The following ALG8 variants were observed in gnomAD, a reference collection of about 807,000 sequenced individuals.
ALG8 encodes the protein ALG8 alpha-1,3-glucosyltransferase.
In ALG8, 48 loss-of-function variants were observed where a neutral mutation model predicts 70.2. The observed-to-expected ratio is 0.68, with a 90% CI of 0.54 to 0.87. The LOEUF (loss-of-function observed/expected upper bound fraction) is 0.87, where lower values mean the gene tolerates loss of function less well. ALG8 is among the 40% of genes least tolerant of loss of function. The probability of loss-of-function intolerance (pLI) is 0.00; values close to 1 mark genes in which losing one functional copy is unlikely to be tolerated. For missense variants in ALG8, 572 were observed against 608.7 expected (o/e 0.94, Z 0.64); for synonymous variants, 234 against 229.0 (o/e 1.02, Z -0.20).
At chr11:78,118,252 C>T (rs1351263424) in intron 5 of ALG8, among the ~76,000 whole-genome samples, 1 of 152,096 alleles carries the variant, frequency 6.6e-6, no homozygotes, top group East Asian at 1.9e-4. Context: ...GTATCACTAT[C>T]ATAGTTATTA....
intron 12 of ALG8, 112 bp downstream of exon 12, chr11:78,103,868 T>A (rs776829238): frequency 1.5e-5 from 9 of 588,264 alleles, no homozygotes; most frequent in Non-Finnish European, 2.1e-5. Flanking sequence ...TTTTTTGTAA[T>A]GTTGTCATAT....
intron 1 of ALG8, chr11:78,138,782 T>C: frequency 2.2e-6 from 1 of 456,328 alleles, no homozygotes; most frequent in Non-Finnish European, 4.4e-6. Flanking sequence ...ATCCATTTTT[T>C]ACACAGCAGT....
In ALG8 at chr11:78,121,046, C is replaced by T. The variant is rs370958120; in HGVS notation, c.478+19G>A. The T allele has an allele frequency of 1.9e-6, 3 of 1,558,694 alleles. No homozygotes were observed. The highest frequency in any genetic ancestry group is 2.7e-6 in the Non-Finnish European group (3 of 1,130,042). Reference sequence around the variant, plus strand: ...CATCAGAATTAGTAAGGGAATAGTACATAGAATATCAAGGATACGGTCCAC... The same window carrying T: ...CATCAGAATTAGTAAGGGAATAGTATATAGAATATCAAGGATACGGTCCAC... On this transcript the variant is annotated intron_variant, in intron 4 of 12. Transcript: ENST00000299626.
In ALG8 at chr11:78,113,986, C is replaced by T. The variant is rs1860440444; in HGVS notation, c.677G>A (p.Gly226Glu). 3.8e-6 allele frequency: 6 copies of T among 1,598,984 alleles called. No individual in the cohort carries two copies. Among genetic ancestry groups the T allele is most frequent in the Non-Finnish European group, 4.3e-6 (5 of 1,172,308 alleles). The part of the protein sequence containing the change: ...SYCFTANKPD[G>E]SIRWKSFSFV... ...GCTGAAACTCTTCCATCGAATAGACCCATCTACAGAAAAGGAACATTATCA... is the reference window on the plus strand; with the variant it reads ...GCTGAAACTCTTCCATCGAATAGACTCATCTACAGAAAAGGAACATTATCA... Residue 226 changes from glycine to glutamate, a missense_variant, in exon 7 of 13, where the codon GGG becomes GAG. Physicochemically the swap from Gly to Glu is moderately conservative, Grantham distance 98 (BLOSUM62 -2). Coordinates refer to ENST00000299626, the MANE Select transcript of ALG8 (RefSeq NM_024079.5).
At chr11:78,131,487 C>A (rs1056594741) in intron 1 of ALG8, among the ~76,000 whole-genome samples, 2 of 149,876 alleles carry the variant, frequency 1.3e-5, no homozygotes, top group Non-Finnish European at 2.9e-5. Context: ...CCTGTAGTCC[C>A]AGCTACTCAG....
rs565037681 is a variant in ALG8, at chr11:78,112,428, A to G, written c.898+222T>C. The G allele has an allele frequency of 9.5e-6, 5 of 525,284 alleles. No individual in the cohort carries two copies. The South Asian group carries it at 9.9e-5, about 10-fold the overall frequency. 32.5% of individuals were successfully genotyped at this position (525,284 alleles called of 1,614,324 possible). On this transcript the variant is annotated intron_variant, in intron 8 of 12. Coordinates refer to ENST00000299626, the MANE Select transcript of ALG8 (RefSeq NM_024079.5). ...ATTTTTTCCCCAGGAAAGGATCAAT[A>G]ACCTCATTACCACAAGGAGCTTTTA...
At chr11:78,105,424 G>A (rs1164075892) in intron 10 of ALG8, among the ~76,000 whole-genome samples, 1 of 152,120 alleles carries the variant, frequency 6.6e-6, no homozygotes, top group Non-Finnish European at 1.5e-5. Flanking sequence ...AACATCATAA[G>A]ATTCAGGTCC....
intron 2 of ALG8, among the ~76,000 whole-genome samples, chr11:78,125,094 G>A (rs976123728): frequency 3.3e-5 from 5 of 151,192 alleles, no homozygotes; most frequent in Admixed American, 6.6e-5. Flanking sequence ...GTGCAGTGGC[G>A]CGATCTTGGC....
At chr11:78,138,503 C>T (rs369438951) in intron 1 of ALG8, among the ~76,000 whole-genome samples, 22 of 152,236 alleles carry the variant, frequency 1.4e-4, no homozygotes, top group East Asian at 5.8e-4. Context: ...ATTACATATA[C>T]GCATCAGTAT....
intron 5 of ALG8, among the ~76,000 whole-genome samples, chr11:78,115,945 A>T (rs1565351932): frequency 6.6e-6 from 1 of 152,244 alleles, no homozygotes; most frequent in Non-Finnish European, 1.5e-5. Flanking sequence ...CTACCAAAAA[A>T]ATCAATTGAA....
intron 6 of ALG8, 61 bp downstream of exon 6, chr11:78,114,205 A>C (rs1399204465): frequency 1.2e-6 from 2 of 1,607,230 alleles, no homozygotes; most frequent in African/African-American, 2.7e-5. Context: ...CAAGCAAGCC[A>C]CCAAGTCAAC....
At chr11:78,128,765 C>G (rs950225529) in intron 1 of ALG8, among the ~76,000 whole-genome samples, 4 of 151,916 alleles carry the variant, frequency 2.6e-5, no homozygotes, top group Admixed American at 6.6e-5. Flanking sequence ...TGCGCGGCAC[C>G]ACGCCTGGCT....
intron 1 of ALG8, among the ~76,000 whole-genome samples, chr11:78,134,067 G>C (rs1861434350): frequency 6.6e-6 from 1 of 151,928 alleles, no homozygotes; most frequent in Non-Finnish European, 1.5e-5. Flanking sequence ...GGAGGATTTT[G>C]CTTCAATGTT....
At chr11:78,131,464 G>A (rs1351548550) in intron 1 of ALG8, among the ~76,000 whole-genome samples, 1 of 152,066 alleles carries the variant, frequency 6.6e-6, no homozygotes, top group Non-Finnish European at 1.5e-5. Context: ...ATTAGCTGGT[G>A]TGGTGGTGTG....
At chr11:78,116,644 G>A (rs1860585464) in intron 5 of ALG8, among the ~76,000 whole-genome samples, 1 of 151,590 alleles carries the variant, frequency 6.6e-6, no homozygotes, top group African/African-American at 2.4e-5. Context: ...TTTGAGCCCA[G>A]GAGGTTGAGG....
chr11:78,115,179 T>C (rs943788156), intron 5 of ALG8, among the ~76,000 whole-genome samples: 9 of 151,292 alleles, frequency 5.9e-5, no homozygotes, highest in Admixed American at 2.0e-4. Context: ...ACTACAGGCG[T>C]GTGCCAACAC....
At chr11:78,111,366 T>C (rs1392223271) in intron 8 of ALG8, among the ~76,000 whole-genome samples, 2 of 152,208 alleles carry the variant, frequency 1.3e-5, no homozygotes, top group African/African-American at 2.4e-5. Context: ...ACACACTGTA[T>C]AGGTACAGGT....
rs543306450 is a variant in ALG8, at chr11:78,128,713, C to T, written c.96-1277G>A. On this transcript the variant is annotated intron_variant, in intron 1 of 12. Coordinates refer to ENST00000299626, the MANE Select transcript of ALG8 (RefSeq NM_024079.5). ...GCAAACTCCGTCTCCCAGGTTCAAA[C>T]GACTCCCCTGCCCCAGCCACCCAAG... Among the ~76,000 whole-genome samples the T allele has an allele frequency of 3.3e-5, 5 of 150,928 alleles. No individual in the cohort carries two copies. In the East Asian group the frequency reaches 9.8e-4, roughly 30 times the overall value.
intron 2 of ALG8, among the ~76,000 whole-genome samples, chr11:78,126,032 G>A (rs976463567): frequency 6.6e-6 from 1 of 151,956 alleles, no homozygotes; most frequent in Non-Finnish European, 1.5e-5. Context: ...GGTGGCGGGC[G>A]CCTGTAGTCC....
Sources: gnomAD v4.1 joint callset for allele counts (sites outside exome capture counted in the v4.1 genomes callset) on GRCh38, gnomAD v4.1.1 for gene constraint, MANE v1.5 for transcripts, NCBI Gene and HGNC (gene_info 2026-07-23, HGNC 2026-07-21) for gene names.